Variants in CUBN observed in about 807,000 individuals in gnomAD.
CUBN encodes the protein 460 kDa receptor.
A neutral mutation model predicts 405.3 loss-of-function variants in CUBN; 282 were observed. The ratio of observed to expected loss-of-function variants is 0.70; its 90% CI spans 0.63 to 0.77. CUBN has a LOEUF of 0.77. Among genes scored for constraint, CUBN ranks in the 30% least tolerant of loss-of-function variants. The pLI, the probability that CUBN is intolerant of heterozygous loss-of-function variation, is 0.00. For synonymous variants in CUBN, 1,684 were observed against 1,617.0 expected, an observed-to-expected ratio of 1.04 and a Z score of -0.99; for missense variants, 4,514 against 4,475.2, an observed-to-expected ratio of 1.01 and a Z score of -0.25.
chr10:17,081,390 G>C (rs893462261), intron 17 of CUBN, among the ~76,000 whole-genome samples: 2 of 151,966 alleles, frequency 1.3e-5, no homozygotes, highest in African/African-American at 4.8e-5. Flanking sequence ...CTAAAATTTT[G>C]GGTGGACTGC....
intron 60 of CUBN, among the ~76,000 whole-genome samples, chr10:16,850,714 C>G (rs1211715552): frequency 6.6e-6 from 1 of 152,186 alleles, no homozygotes; most frequent in Admixed American, 6.5e-5. Flanking sequence ...CTCAAGTGAT[C>G]CTCCTGCCTC....
Position 17,008,050 on chromosome 10 carries a change from G to A in CUBN, c.4168+11783C>T, listed in dbSNP as rs1834072346. Among the ~76,000 whole-genome samples the A allele has an allele frequency of 2.0e-5, 3 of 152,104 alleles. No individual in the cohort carries two copies. The South Asian group carries it at 6.2e-4, about 31-fold the overall frequency. On this transcript the variant is annotated intron_variant, in intron 28 of 66. Coordinates refer to ENST00000377833, the MANE Select transcript of CUBN (RefSeq NM_001081.4). ...CCCCTGTAGTCCCAGCTACTCAAGA[G>A]GATGAGGTGGGAGGATCACCTTATC...
chr10:17,048,940 C>T (rs1430179587), intron 22 of CUBN, among the ~76,000 whole-genome samples: 5 of 152,048 alleles, frequency 3.3e-5, no homozygotes, highest in South Asian at 2.1e-4. Context: ...AATGGGCATT[C>T]GCCAGATATT....
chr10:17,026,727 C>T (rs1232093434), intron 27 of CUBN, among the ~76,000 whole-genome samples: 1 of 152,104 alleles, frequency 6.6e-6, no homozygotes, highest in Admixed American at 6.5e-5. Context: ...AATGCAAAAT[C>T]AAATCATGGT....
At chr10:17,023,799 A>G (rs986578505) in intron 27 of CUBN, among the ~76,000 whole-genome samples, 4 of 152,244 alleles carry the variant, frequency 2.6e-5, no homozygotes, top group Non-Finnish European at 5.9e-5. Flanking sequence ...TCTAATTTCT[A>G]TAACTGTGTT....
intron 54 of CUBN, among the ~76,000 whole-genome samples, chr10:16,893,680 A>G (rs1478603766): frequency 1.3e-5 from 2 of 152,204 alleles, no homozygotes; most frequent in African/African-American, 2.4e-5. Flanking sequence ...TGATTTGTCC[A>G]GATTGTTAAT....
At chr10:16,997,085 T>C (rs1833755706) in intron 28 of CUBN, among the ~76,000 whole-genome samples, 1 of 152,240 alleles carries the variant, frequency 6.6e-6, no homozygotes, top group South Asian at 2.1e-4. Context: ...CTTTCTGCTC[T>C]ATAAGACCTT....
chr10:16,891,416 A>G (rs1351332396), intron 54 of CUBN, among the ~76,000 whole-genome samples: 2 of 152,124 alleles, frequency 1.3e-5, no homozygotes, highest in Admixed American at 6.5e-5. Flanking sequence ...ATGGCAGGAA[A>G]GGCCGTGGCT....
intron 60 of CUBN, among the ~76,000 whole-genome samples, chr10:16,849,434 TC>T (rs1427516898): frequency 6.6e-6 from 1 of 152,138 alleles, no homozygotes; most frequent in African/African-American, 2.4e-5. Flanking sequence ...TGCTGTGTCC[TC>T]TCTATTCGTG....
chr10:17,093,506 C>T (rs1399413426), intron 14 of CUBN, among the ~76,000 whole-genome samples: 1 of 151,974 alleles, frequency 6.6e-6, no homozygotes, highest in African/African-American at 2.4e-5. Context: ...AATAGGTCCC[C>T]TGTAAATTCA....
At chr10:17,104,105 G>A (rs1290043288) in intron 12 of CUBN, among the ~76,000 whole-genome samples, 2 of 152,152 alleles carry the variant, frequency 1.3e-5, no homozygotes, top group Non-Finnish European at 2.9e-5. Context: ...TTAAGTGGCT[G>A]CTCCTCAGAA....
In CUBN at chr10:17,020,130, A is replaced by G. The variant is rs1241540540; in HGVS notation, c.4018-147T>C. 8.8e-6 allele frequency: 7 copies of G among 794,908 alleles called. No homozygotes were observed. In the Middle Eastern group the frequency reaches 2.1e-3, roughly 244 times the overall value. 49.2% of individuals were successfully genotyped at this position (794,908 alleles called of 1,614,324 possible). ...GTGGGTTGAGTACACAGAACTCAAC[A>G]TAAGAATTAAAAATTGATAATTGCA... On this transcript the variant is annotated intron_variant, in intron 27 of 66. Transcript: ENST00000377833.
chr10:16,899,898 C>G (rs541081280), intron 53 of CUBN, among the ~76,000 whole-genome samples: 1 of 152,154 alleles, frequency 6.6e-6, no homozygotes, highest in Non-Finnish European at 1.5e-5. Context: ...TGTGACTCTA[C>G]CAGAAATAAT....
intron 22 of CUBN, among the ~76,000 whole-genome samples, chr10:17,058,273 G>A (rs796521853): frequency 4.9e-4 from 74 of 152,176 alleles, no homozygotes; most frequent in African/African-American, 1.8e-3. Flanking sequence ...AGGAACACGA[G>A]GATCCCTTCT....
intron 48 of CUBN, among the ~76,000 whole-genome samples, chr10:16,912,807 G>A (rs757306484): frequency 2.0e-5 from 3 of 152,182 alleles, no homozygotes; most frequent in Non-Finnish European, 4.4e-5. Flanking sequence ...AGCCAGGTGG[G>A]CCACAGGTGC....
intron 39 of CUBN, among the ~76,000 whole-genome samples, chr10:16,936,801 T>A (rs1320420041): frequency 6.6e-6 from 1 of 152,166 alleles, no homozygotes; most frequent in Admixed American, 6.5e-5. Flanking sequence ...CAAACTCTAC[T>A]CTGCCTCCTG....
chr10:16,944,638 A>G (rs1842732224), intron 36 of CUBN, among the ~76,000 whole-genome samples: 1 of 152,240 alleles, frequency 6.6e-6, no homozygotes. Context: ...GCAGCCTAAA[A>G]CGTCCATTTT....
chr10:16,860,204 AT>A (rs1168567497), intron 59 of CUBN, among the ~76,000 whole-genome samples: 1 of 152,182 alleles, frequency 6.6e-6, no homozygotes, highest in Non-Finnish European at 1.5e-5. Flanking sequence ...TAGTAATTTT[AT>A]CAGATATAAA....
At chr10:17,101,475 C>T (rs960572495) in intron 13 of CUBN, among the ~76,000 whole-genome samples, 4 of 148,812 alleles carry the variant, frequency 2.7e-5, no homozygotes, top group Non-Finnish European at 6.0e-5. Flanking sequence ...GTTACCAGGT[C>T]GCAAATAGTC....
Sources: allele counts gnomAD v4.1 joint callset (sites outside exome capture counted in the v4.1 genomes callset), GRCh38; gene constraint gnomAD v4.1.1; transcripts MANE v1.5; gene names NCBI Gene and HGNC (gene_info 2026-07-23, HGNC 2026-07-21).